Variants in C3 observed in about 807,000 individuals in gnomAD.
C3 encodes the protein complement C3.
C3 carries 97 observed loss-of-function variants against 207.9 expected under a neutral mutation model. The observed-to-expected ratio is 0.47, with a 90% CI of 0.40 to 0.55. The LOEUF (loss-of-function observed/expected upper bound fraction) is 0.55. Ranked by LOEUF, C3 falls within the 20% of genes least tolerant of loss-of-function variation. The pLI is 0.00. For synonymous variants in C3, 848 were observed against 857.6 expected (o/e 0.99, Z 0.20); for missense variants, 1,684 against 2,171.7 (o/e 0.78, Z 4.46).
Position 6,712,567 on chromosome 19 carries a change from G to T in C3, c.1060C>A (p.Gln354Lys). The T allele has an allele frequency of 6.2e-7, 1 of 1,614,156 alleles. No homozygotes were observed. The highest frequency in any genetic ancestry group is 8.5e-7 in the Non-Finnish European group (1 of 1,179,992). The change falls in exon 10 of 41, where the codon CAG (glutamine) becomes AAG (lysine). Residue 354 changes from glutamine (Q) to lysine (K), a missense_variant. Physicochemically the swap from Gln to Lys is moderately conservative, Grantham distance 53. Transcript: ENST00000245907. Reference sequence around the variant, plus strand: ...TTGGGTGTCTTGGTGAAGTGGATCTGGTAGGGAGAGGTCACGATGGGGATC... The same window carrying T: ...TTGGGTGTCTTGGTGAAGTGGATCTTGTAGGGAGAGGTCACGATGGGGATC... ...SGIPIVTSPY[Q>K]IHFTKTPKYF... is the part of the protein sequence containing the mutation.
chr19:6,692,188 G>A (rs1007500439), intron 26 of C3, among the ~76,000 whole-genome samples: 1 of 152,022 alleles, frequency 6.6e-6, no homozygotes, highest in African/African-American at 2.4e-5. Flanking sequence ...CTGCAGCCTC[G>A]ACCTCCTGGG....
chr19:6,690,593 A>C, intron 27 of C3, 36 bp downstream of exon 27: 1 of 1,531,644 alleles, frequency 6.5e-7, no homozygotes, highest in Non-Finnish European at 9.1e-7. Flanking sequence ...TGCATCGGGT[A>C]AGGTAGGGTA....
chr19:6,684,519 G>A, intron 32 of C3, 41 bp downstream of exon 32: 1 of 1,574,032 alleles, frequency 6.4e-7, no homozygotes, highest in Non-Finnish European at 8.7e-7. Context: ...TTAGAAGAGG[G>A]GTAGGAGGAA....
chr19:6,694,741 G>A (rs1918265496), intron 23 of C3, 107 bp from the exon 24 acceptor site: 1 of 930,390 alleles, frequency 1.1e-6, no homozygotes, highest in Non-Finnish European at 1.6e-6. Flanking sequence ...AAGGGGTTAG[G>A]GACAGGCGAG....
intron 36 of C3, among the ~76,000 whole-genome samples, chr19:6,679,739 C>T (rs185284603): frequency 1.2e-3 from 190 of 152,178 alleles, no homozygotes; most frequent in African/African-American, 4.4e-3. Flanking sequence ...TTCATAGATT[C>T]CTGGGACACG....
In C3 at chr19:6,700,599, GATATATTATATATGTAATATA is replaced by G. The variant is rs1568219251; in HGVS notation, c.2440+1507_2440+1527del. On this transcript the variant is annotated intron_variant, in intron 19 of 40. Transcript: ENST00000245907. ...ATTATATATGTAATATATAATATATGATATATTATATATGTAATATATAATATATGATATATTATATATGTA... is the reference window on the plus strand; with the variant it reads ...ATTATATATGTAATATATAATATATGTAATATATGATATATTATATATGTA... Among the ~76,000 whole-genome samples the G allele has an allele frequency of 3.8e-4, 15 of 39,412 alleles. 2 individuals carry two copies. The highest frequency in any genetic ancestry group is 1.3e-3 in the East Asian group (1 of 768). The allele number at this position is 39,412 out of a possible 152,430, so 25.9% of individuals were successfully genotyped here.
chr19:6,688,983 C>T (rs1918084867), intron 27 of C3, among the ~76,000 whole-genome samples: 1 of 152,274 alleles, frequency 6.6e-6, no homozygotes. Flanking sequence ...GGAAGGCAGC[C>T]ATATTCTGCC....
At chr19:6,689,355 C>CT (rs1568213538) in intron 27 of C3, among the ~76,000 whole-genome samples, 38 of 61,346 alleles carry the variant, frequency 6.2e-4, no homozygotes, top group East Asian at 3.6e-3. Flanking sequence ...CTCCCTCCCT[C>CT]CCTCCCTCTC....
chr19:6,697,418 G>A lies in C3; in HGVS notation c.2722C>T (p.Gln908Ter). 6.2e-7 allele frequency: 1 copy of A among 1,613,988 alleles called. No individual in the cohort carries two copies. Residue 908 changes from glutamine to a stop codon, truncating the protein, a stop_gained, in exon 21 of 41, where the codon CAG becomes TAG. Transcript: ENST00000245907. LOFTEE classifies it high-confidence loss of function. ...ACAGCAGCCTTGACTTCCACTTCCTGCAGGCCGGTCTTTAGCGGCACGATG... is the reference window on the plus strand; with the variant it reads ...ACAGCAGCCTTGACTTCCACTTCCTACAGGCCGGTCTTTAGCGGCACGATG... ...YVIVPLKTGL[Q>*]EVEVKAAVYH...
chr19:6,712,167 T>C, intron 11 of C3, 90 bp downstream of exon 11: 1 of 1,499,682 alleles, frequency 6.7e-7, no homozygotes, highest in Non-Finnish European at 9.2e-7. Flanking sequence ...AGAATATCTG[T>C]ATGCAAATGA....
intron 33 of C3, chr19:6,683,045 T>G (rs1185106824): frequency 6.6e-6 from 1 of 152,210 alleles, no homozygotes; most frequent in Non-Finnish European, 1.5e-5. Context: ...GGCAAATGTA[T>G]TAGCATAAAT....
chr19:6,710,433 G>A (rs1347966242), intron 13 of C3, among the ~76,000 whole-genome samples: 1 of 103,372 alleles, frequency 9.7e-6, no homozygotes, highest in Non-Finnish European at 2.1e-5. Context: ...GAGAGGGAAA[G>A]AGAGATGTAG....
At chr19:6,698,102 C>T (rs750411938) in intron 19 of C3, among the ~76,000 whole-genome samples, 7 of 151,972 alleles carry the variant, frequency 4.6e-5, no homozygotes, top group South Asian at 2.1e-4. Context: ...ACGCAACCTC[C>T]GCCTCCTGGG....
chr19:6,685,471 C>T (rs931638149), intron 29 of C3, among the ~76,000 whole-genome samples: 2 of 152,140 alleles, frequency 1.3e-5, no homozygotes, highest in Non-Finnish European at 2.9e-5. Flanking sequence ...TAGACCAGGG[C>T]TTGGAGACAC....
At chr19:6,709,633 C>CCCCCCCCCCG in intron 14 of C3, 51 bp downstream of exon 14, 1 of 1,525,646 alleles carries the variant, frequency 6.6e-7, no homozygotes, top group Non-Finnish European at 9.0e-7. Context: ...CCCCCAGCCC[C>CCCCCCCCCCG]AGCTCCGTGC....
chr19:6,709,764 G>T lies in C3; in HGVS notation c.1765C>A (p.His589Asn). 1 of 1,614,010 alleles carries T rather than the reference G, an allele frequency of 6.2e-7. No individual in the cohort carries two copies. The highest frequency in any genetic ancestry group is 8.5e-7 in the Non-Finnish European group (1 of 1,180,040). ...GCCACCAGTACCACCCGGGCCCCGT[G>T]GTCACCCTCTATCTTCAGGGTCATC... ...QQMTLKIEGDHGARVVLVAVD... is the reference protein window; with the variant it reads ...QQMTLKIEGDNGARVVLVAVD... The change falls in exon 14 of 41, where the codon CAC becomes AAC. Residue 589 changes from histidine to asparagine, a missense_variant. By Grantham distance (68) the His-to-Asn change is moderately conservative (BLOSUM62 1). Around this residue, in one of 3 missense-constraint regions of C3, gnomAD observed 1,280 missense variants for 1,739.1 expected, o/e 0.74. Coordinates refer to ENST00000245907, the MANE Select transcript of C3 (RefSeq NM_000064.4).
intron 35 of C3, 97 bp downstream of exon 35, chr19:6,681,844 T>C: frequency 1.1e-6 from 1 of 933,954 alleles, no homozygotes; most frequent in Non-Finnish European, 1.8e-6. Flanking sequence ...AGGGTTAGTC[T>C]GACCCAGAGA....
chr19:6,705,208 T>C (rs896277603), intron 17 of C3, among the ~76,000 whole-genome samples: 9 of 152,212 alleles, frequency 5.9e-5, no homozygotes, highest in Admixed American at 1.3e-4. Context: ...CATGTGGATG[T>C]AAACCATATT....
Position 6,711,003 on chromosome 19 carries a change from C to T in C3, c.1463G>A (p.Arg488His). ...GCCACGGACCAGGTAGGTGTAGTAG[C>T]GGATCTTGGCCTCGTGGGCGCGGTC... ...RMDRAHEAKI[R>H]YYTYLIMNKG... is the part of the protein sequence containing the mutation. Residue 488 changes from arginine (R) to histidine (H), a missense_variant, in exon 12 of 41, where the codon CGC becomes CAC. Arg to His is a conservative substitution (Grantham distance 29, BLOSUM62 0). Transcript: ENST00000245907. 6.2e-6 allele frequency: 10 copies of T among 1,614,070 alleles called. No homozygotes were observed. Among genetic ancestry groups the T allele is most frequent in the South Asian group, 2.2e-5 (2 of 91,078 alleles).
Sources: gnomAD v4.1 joint callset for allele counts (sites outside exome capture counted in the v4.1 genomes callset) on GRCh38, gnomAD v4.1.1 for gene constraint, gnomAD v4.1.1 regional missense constraint, MANE v1.5 for transcripts, NCBI Gene and HGNC (gene_info 2026-07-23, HGNC 2026-07-21) for gene names.